Variants in RAD18 observed in about 807,000 individuals in gnomAD.
RAD18 encodes the protein E3 ubiquitin-protein ligase RAD18.
A neutral mutation model predicts 60.4 loss-of-function variants in RAD18; 47 were observed. The observed-to-expected ratio is 0.78, with a 90% CI of 0.62 to 0.99. RAD18 has a LOEUF of 0.99. Ranked by LOEUF, RAD18 falls within the 50% of genes least tolerant of loss-of-function variation. RAD18 has a pLI of 0.00. For missense variants in RAD18, 640 were observed against 593.3 expected (o/e 1.08, Z -0.82); for synonymous variants, 225 against 195.5 (o/e 1.15, Z -1.26).
At chr3:8,882,875 T>C (rs533856231) in intron 12 of RAD18, among the ~76,000 whole-genome samples, 1 of 152,192 alleles carries the variant, frequency 6.6e-6, no homozygotes, top group African/African-American at 2.4e-5. Context: ...TAGAAGGATG[T>C]GCATTTCTAG....
rs188543699 is a variant in RAD18, at chr3:8,884,212, C to T, written c.1386-2753G>A. Among the ~76,000 whole-genome samples the T allele has an allele frequency of 1.6e-4, 25 of 152,244 alleles. 1 individual carries two copies. The highest frequency in any genetic ancestry group is 1.5e-3 in the Admixed American group (23 of 15,296). ...AGAGAAGGATGAGAACAAAGCCAGT[C>T]GAATCACCACAAAGCTCACTGTTCT... is the stretch of plus-strand genomic sequence containing the variant. On this transcript the variant is annotated intron_variant, in intron 12 of 12. Coordinates refer to ENST00000264926, the MANE Select transcript of RAD18 (RefSeq NM_020165.4).
chr3:8,944,564 G>GGGAAGGAAAGGGAGGA (rs1940808676), intron 4 of RAD18, among the ~76,000 whole-genome samples: 1 of 148,326 alleles, frequency 6.7e-6, no homozygotes, highest in African/African-American at 2.5e-5. Flanking sequence ...GAAAGGGAGG[G>GGGAAGGAAAGGGAGGA]AGGAATAGAC....
At chr3:8,939,426 T>G in intron 6 of RAD18, 128 bp downstream of exon 6, 1 of 687,054 alleles carries the variant, frequency 1.5e-6, no homozygotes, top group Non-Finnish European at 2.4e-6. Flanking sequence ...CCAACAGGAG[T>G]AAAGAAGAAA....
intron 7 of RAD18, among the ~76,000 whole-genome samples, chr3:8,923,089 GAAC>G (rs1242848592): frequency 6.6e-6 from 1 of 152,008 alleles, no homozygotes; most frequent in Non-Finnish European, 1.5e-5. Context: ...GTTGAGAGAA[GAAC>G]GCTTCAGATG....
Position 8,881,405 on chromosome 3 carries a change from G to C in RAD18, c.1440C>G (p.Ala480=), listed in dbSNP as rs45521033. ...ISPRQNRRTR[A]AESAEIEPRN... ...TTGGTTCAATCTCAGCACTTTCAGCGGCTCTTGTGCGGCGATTCTGTCTTG... is the reference window on the plus strand; with the variant it reads ...TTGGTTCAATCTCAGCACTTTCAGCCGCTCTTGTGCGGCGATTCTGTCTTG... The change falls in exon 13 of 13, where the codon GCC becomes GCG. Residue 480 remains alanine (A), a synonymous_variant. Transcript: ENST00000264926. 1.1e-5 allele frequency: 17 copies of C among 1,613,340 alleles called. No homozygotes were observed. The highest frequency in any genetic ancestry group is 1.3e-5 in the Non-Finnish European group (15 of 1,179,326).
At chr3:8,923,717 T>C (rs193114283) in intron 7 of RAD18, among the ~76,000 whole-genome samples, 2,804 of 152,298 alleles carry the variant, frequency 0.018, 39 homozygotes, top group Middle Eastern at 0.031. Flanking sequence ...GCTGATCTCC[T>C]GGCAGAAACT....
chr3:8,922,161 A>G (rs1461766106), intron 7 of RAD18, among the ~76,000 whole-genome samples: 2 of 152,228 alleles, frequency 1.3e-5, no homozygotes, highest in African/African-American at 2.4e-5. Flanking sequence ...GGGGAAGCAC[A>G]AGGGGTCAGG....
At chr3:8,912,204 C>T in intron 9 of RAD18, 108 bp downstream of exon 9, 2 of 898,540 alleles carry the variant, frequency 2.2e-6, no homozygotes, top group Non-Finnish European at 3.3e-6. Context: ...GTAATGTTAA[C>T]AAAAGTTTGA....
chr3:8,936,150 C>A, intron 6 of RAD18, 95 bp from the exon 7 acceptor site: 1 of 1,198,782 alleles, frequency 8.3e-7, no homozygotes, highest in South Asian at 1.8e-5. Flanking sequence ...ACCTGGGTGA[C>A]CGGGAAAATA....
At chr3:8,917,171 A>G (rs1375929273) in intron 7 of RAD18, among the ~76,000 whole-genome samples, 1 of 152,214 alleles carries the variant, frequency 6.6e-6, no homozygotes, top group Non-Finnish European at 1.5e-5. Context: ...ACATCTTTAA[A>G]GCATTAGAAA....
chr3:8,923,589 A>G (rs1309779050), intron 7 of RAD18, among the ~76,000 whole-genome samples: 2 of 152,074 alleles, frequency 1.3e-5, no homozygotes, highest in Admixed American at 1.3e-4. Flanking sequence ...CCTCGAGAAG[A>G]GCAACTCCAA....
chr3:8,955,034 T>C (rs961014095), intron 2 of RAD18, among the ~76,000 whole-genome samples: 20 of 152,318 alleles, frequency 1.3e-4, no homozygotes, highest in African/African-American at 2.9e-4. Context: ...GTGACAGCTA[T>C]AAGTCATGAA....
chr3:8,913,761 CT>C lies in RAD18; in HGVS notation c.890-42del, dbSNP rs1444807637. 7 of 1,279,330 alleles carry C rather than the reference CT, an allele frequency of 5.5e-6. No homozygotes were observed. In the African/African-American group the frequency reaches 7.6e-5, roughly 14 times the overall value. 79.2% of individuals were successfully genotyped at this position (1,279,330 alleles called of 1,614,324 possible). Reference sequence around the variant, plus strand: ...AATAACCACTAGGTTAATCACATGTCTTTTTTAATCACTGTACAATAATTAT... The same window carrying C: ...AATAACCACTAGGTTAATCACATGTCTTTTTAATCACTGTACAATAATTAT... On this transcript the variant is annotated intron_variant, in intron 7 of 12. Transcript: ENST00000264926.
intron 7 of RAD18, among the ~76,000 whole-genome samples, chr3:8,932,021 A>C (rs1201520561): frequency 2.0e-5 from 3 of 152,244 alleles, no homozygotes; most frequent in Admixed American, 2.0e-4. Context: ...TCATAGATTT[A>C]AATATAAAAG....
chr3:8,960,912 T>C (rs926298977), intron 1 of RAD18, among the ~76,000 whole-genome samples: 5 of 152,214 alleles, frequency 3.3e-5, no homozygotes, highest in African/African-American at 1.2e-4. Flanking sequence ...ACATTTACAA[T>C]ATGCCAAAAA....
At chr3:8,906,660 T>C (rs1158999102) in intron 9 of RAD18, among the ~76,000 whole-genome samples, 1 of 151,858 alleles carries the variant, frequency 6.6e-6, no homozygotes, top group African/African-American at 2.4e-5. Context: ...TTTCCCATTA[T>C]CTGAAAAACC....
intron 6 of RAD18, among the ~76,000 whole-genome samples, chr3:8,937,957 G>C (rs1282957351): frequency 6.6e-6 from 1 of 152,128 alleles, no homozygotes; most frequent in African/African-American, 2.4e-5. Flanking sequence ...TGATGTATCA[G>C]AAATGTATTC....
chr3:8,889,469 C>T (rs905008877), intron 12 of RAD18, among the ~76,000 whole-genome samples: 3 of 152,066 alleles, frequency 2.0e-5, no homozygotes, highest in Non-Finnish European at 4.4e-5. Flanking sequence ...GATGGACAAA[C>T]AAATAATCAT....
chr3:8,931,212 TTAAAA>T (rs1233942179), intron 7 of RAD18, among the ~76,000 whole-genome samples: 5 of 152,262 alleles, frequency 3.3e-5, no homozygotes, highest in Admixed American at 3.3e-4. Flanking sequence ...AAATGACTCT[TTAAAA>T]TAGTAATAAA....
Sources: allele counts gnomAD v4.1 joint callset (sites outside exome capture counted in the v4.1 genomes callset), GRCh38; gene constraint gnomAD v4.1.1; transcripts MANE v1.5; gene names NCBI Gene and HGNC (gene_info 2026-07-23, HGNC 2026-07-21).